CPSF6: variants seen among roughly 807,000 people sequenced by gnomAD.
CPSF6 encodes cleavage and polyadenylation specific factor 6, also known as cleavage and polyadenylation specificity factor subunit 6.
Under a neutral mutation model 56.7 loss-of-function variants are expected in CPSF6, and 10 were observed. The observed-to-expected ratio is 0.18, with a 90% CI of 0.11 to 0.30. The LOEUF (loss-of-function observed/expected upper bound fraction) is 0.30, where lower values mean the gene tolerates loss of function less well. CPSF6 is among the 10% of genes least tolerant of loss of function. CPSF6 has a pLI of 1.00. For missense variants in CPSF6, 419 were observed against 722.9 expected (o/e 0.58, Z 4.82); for synonymous variants, 248 against 244.8 (o/e 1.01, Z -0.12).
rs964380719 is a variant in CPSF6 at position 69,274,314 on chromosome 12, A to G, written c.*4806A>G. On this transcript the variant is annotated 3_prime_UTR_variant, in exon 10 of 10. Coordinates refer to ENST00000435070, the MANE Select transcript of CPSF6 (RefSeq NM_007007.3). ...GCCTTAAACTGCACTAGTAACAAGCATGGTATTTATCTTGTATTGAAAATA... is the reference window on the plus strand; with the variant it reads ...GCCTTAAACTGCACTAGTAACAAGCGTGGTATTTATCTTGTATTGAAAATA... 1.3e-5 allele frequency: 2 copies of G among 152,058 alleles called. No homozygotes were observed. The highest frequency in any genetic ancestry group is 2.9e-5 in the Non-Finnish European group (2 of 67,936). The allele number at this position is 152,058 out of a possible 1,614,324, so 9.4% of individuals were successfully genotyped here.
Position 69,273,925 on chromosome 12 carries a change from T to A in CPSF6, c.*4417T>A, listed in dbSNP as rs1873377227. ...TTTACAATTTTTAATGGAAAGCCCTTAACAACAACAACAAAAAATTGTATC... is the reference window on the plus strand; with the variant it reads ...TTTACAATTTTTAATGGAAAGCCCTAAACAACAACAACAAAAAATTGTATC... On this transcript the variant is annotated 3_prime_UTR_variant, in exon 10 of 10. Transcript: ENST00000435070. 6.6e-6 allele frequency: 1 copy of A among 151,884 alleles called. No homozygotes were observed. The highest frequency in any genetic ancestry group is 1.5e-5 in the Non-Finnish European group (1 of 67,846). 9.4% of individuals were successfully genotyped at this position (151,884 alleles called of 1,614,324 possible).
chr12:69,256,208 T>C (rs1872501659), intron 3 of CPSF6, among the ~76,000 whole-genome samples: 1 of 152,082 alleles, frequency 6.6e-6, no homozygotes, highest in South Asian at 2.1e-4. Flanking sequence ...AGTGGTTCCA[T>C]AGGGTACAGG....
intron 1 of CPSF6, among the ~76,000 whole-genome samples, chr12:69,247,647 CTTTA>C (rs1320261574): frequency 6.6e-6 from 1 of 152,010 alleles, no homozygotes; most frequent in Non-Finnish European, 1.5e-5. Flanking sequence ...GCTCACAGAG[CTTTA>C]TTTATATATG....
At chr12:69,249,716 A>G (rs1251781989) in intron 1 of CPSF6, among the ~76,000 whole-genome samples, 1 of 152,176 alleles carries the variant, frequency 6.6e-6, no homozygotes, top group Non-Finnish European at 1.5e-5. Flanking sequence ...GGTCTATTTA[A>G]TGGTTATCAA....
At chr12:69,254,785 G>A (rs1401833505) in intron 3 of CPSF6, among the ~76,000 whole-genome samples, 1 of 152,114 alleles carries the variant, frequency 6.6e-6, no homozygotes, top group Non-Finnish European at 1.5e-5. Flanking sequence ...GGGGAAAAGA[G>A]CTTAAGCTTC....
intron 9 of CPSF6, among the ~76,000 whole-genome samples, chr12:69,264,335 A>G (rs1333601385): frequency 1.3e-5 from 2 of 152,116 alleles, no homozygotes; most frequent in South Asian, 2.1e-4. Flanking sequence ...GTGCCCATCA[A>G]GGGGCCTCTA....
chr12:69,253,025 T>G, intron 2 of CPSF6, 26 bp from the exon 3 acceptor site: 5 of 1,326,262 alleles, frequency 3.8e-6, no homozygotes, highest in Non-Finnish European at 5.2e-6. Flanking sequence ...ATTTTAATGG[T>G]TAATGAGGGG....
chr12:69,246,561 A>C (rs1592793257), intron 1 of CPSF6, among the ~76,000 whole-genome samples: 1 of 152,356 alleles, frequency 6.6e-6, no homozygotes, highest in East Asian at 1.9e-4. Context: ...ATTACTAGCC[A>C]GTTTTAATAA....
In CPSF6 at chr12:69,259,029, A is replaced by G; in HGVS notation, c.1134A>G (p.Pro378=). 2 of 1,608,026 alleles carry G rather than the reference A, an allele frequency of 1.2e-6. No individual in the cohort carries two copies. The highest frequency in any genetic ancestry group is 8.5e-7 in the Non-Finnish European group (1 of 1,179,986). Residue 378 remains proline (P), a synonymous_variant, in exon 6 of 10, where the codon CCA becomes CCG. Transcript: ENST00000435070. The part of the protein sequence containing the change: ...SGMPTSDSRG[P]PPTDPYGRPP... ...TGCCTACATCAGATAGCCGAGGTCC[A>G]CCACCAACAGATCCATATGGGCGAC... is the stretch of plus-strand genomic sequence containing the variant.
chr12:69,242,523 T>A (rs1199822112), intron 1 of CPSF6, among the ~76,000 whole-genome samples: 2 of 152,172 alleles, frequency 1.3e-5, no homozygotes, highest in Non-Finnish European at 2.9e-5. Flanking sequence ...CCAGGTGAAC[T>A]TAAGAATGGA....
In CPSF6 at chr12:69,258,020, A is replaced by G; in HGVS notation, c.694+115A>G. ...TGTGACTTACTCTCCTTGTTATGCT[A>G]TTTTTGGAATCCAGGAAATTTGATC... On this transcript the variant is annotated intron_variant, in intron 5 of 9. Transcript: ENST00000435070. The surrounding 1 kb of genome is among the most constrained non-coding windows in gnomAD (Gnocchi z 4.2). 1.9e-6 allele frequency: 3 copies of G among 1,538,866 alleles called. No individual in the cohort carries two copies. The highest frequency in any genetic ancestry group is 2.4e-5 in the East Asian group (1 of 41,094).
intron 9 of CPSF6, among the ~76,000 whole-genome samples, chr12:69,264,713 C>T (rs1231297857): frequency 1.3e-5 from 2 of 152,048 alleles, no homozygotes; most frequent in African/African-American, 2.4e-5. Context: ...GATTATTGTA[C>T]GTTTGCTATA....
rs1873381796 is a variant in CPSF6 at position 69,273,978 on chromosome 12, TCA to T, written c.*4473_*4474del. 6.6e-6 allele frequency: 1 copy of T among 151,970 alleles called. No homozygotes were observed. The highest frequency in any genetic ancestry group is 1.5e-5 in the Non-Finnish European group (1 of 67,878). 9.4% of individuals were successfully genotyped at this position (151,970 alleles called of 1,614,324 possible). Reference sequence around the variant, plus strand: ...TTTACCAATATCCACGAATTACTGATCACAGTTTGTAAATAATTTGTTTAATA... The same window carrying T: ...TTTACCAATATCCACGAATTACTGATCAGTTTGTAAATAATTTGTTTAATA... On this transcript the variant is annotated 3_prime_UTR_variant, in exon 10 of 10. Transcript: ENST00000435070.
Position 69,259,007 on chromosome 12 carries a change from C to T in CPSF6, c.1112C>T (p.Pro371Leu). Residue 371 changes from proline (P) to leucine (L), a missense_variant, in exon 6 of 10, where the codon CCT (proline) becomes CTT (leucine). Around this residue, in one of 4 missense-constraint regions of CPSF6, gnomAD observed 211 missense variants for 296.0 expected, o/e 0.71. Coordinates refer to ENST00000435070, the MANE Select transcript of CPSF6 (RefSeq NM_007007.3). The stretch of plus-strand genomic sequence containing the variant: ...CCTCCACCAACTAACAGTGGCATGC[C>T]TACATCAGATAGCCGAGGTCCACCA... ...FFPPPTNSGM[P>L]TSDSRGPPPT... 6.2e-7 allele frequency: 1 copy of T among 1,611,742 alleles called. No individual in the cohort carries two copies. Among genetic ancestry groups the T allele is most frequent in the Non-Finnish European group, 8.5e-7 (1 of 1,180,024 alleles).
At chr12:69,240,127 C>T (rs1347348619) in intron 1 of CPSF6, among the ~76,000 whole-genome samples, 1 of 151,322 alleles carries the variant, frequency 6.6e-6, no homozygotes, top group East Asian at 1.9e-4. Flanking sequence ...CCTGGCGGGG[C>T]GCGTGCCCGC....
At position 69,268,256 on chromosome 12, in the gene CPSF6, A is replaced by G. The variant is rs185606145; in HGVS notation, c.*4-1256A>G. ...CATCAACATAAGATGAAGATGCAATAAAAGATAACAATAGTAATGGCTGAA... is the reference window on the plus strand; with the variant it reads ...CATCAACATAAGATGAAGATGCAATGAAAGATAACAATAGTAATGGCTGAA... On this transcript the variant is annotated intron_variant, in intron 9 of 9. Coordinates refer to ENST00000435070, the MANE Select transcript of CPSF6 (RefSeq NM_007007.3). Among the ~76,000 whole-genome samples the G allele has an allele frequency of 6.9e-3, 1,041 of 151,946 alleles. 2 individuals carry two copies. Among genetic ancestry groups the G allele is most frequent in the South Asian group, 9.1e-3 (44 of 4,834 alleles).
At chr12:69,244,850 C>T (rs1434426789) in intron 1 of CPSF6, among the ~76,000 whole-genome samples, 1 of 152,130 alleles carries the variant, frequency 6.6e-6, no homozygotes, top group East Asian at 1.9e-4. Flanking sequence ...GCTGTCATCT[C>T]CTAGGATAAC....
At chr12:69,242,965 G>A (rs894439561) in intron 1 of CPSF6, among the ~76,000 whole-genome samples, 3 of 152,152 alleles carry the variant, frequency 2.0e-5, no homozygotes, top group African/African-American at 7.2e-5. Flanking sequence ...AAAATTGGCC[G>A]AGTATGGTGG....
rs535586823 is a variant in CPSF6 at position 69,270,498 on chromosome 12, G to A, written c.*990G>A. On this transcript the variant is annotated 3_prime_UTR_variant, in exon 10 of 10. Coordinates refer to ENST00000435070, the MANE Select transcript of CPSF6 (RefSeq NM_007007.3). ...TGGTTTATTTCTTAAGCCATAGTCA[G>A]TGTAAATACAGCCCTGCAGCAGGTA... The A allele has an allele frequency of 9.2e-5, 14 of 151,854 alleles. No individual in the cohort carries two copies. The highest frequency in any genetic ancestry group is 3.4e-4 in the African/African-American group (14 of 41,528). 9.4% of individuals were successfully genotyped at this position (151,854 alleles called of 1,614,324 possible). A position where few individuals can be genotyped will look rare whatever the true frequency, so the allele number is the denominator to read the frequency against.
Sources: allele counts gnomAD v4.1 joint callset (sites outside exome capture counted in the v4.1 genomes callset), GRCh38; gene constraint gnomAD v4.1.1; regional missense constraint gnomAD v4.1.1; non-coding constraint Gnocchi (gnomAD v3.1); transcripts MANE v1.5; gene names NCBI Gene and HGNC (gene_info 2026-07-23, HGNC 2026-07-21).